The following ACOX3 variants were observed in gnomAD, a reference collection of about 807,000 sequenced individuals.
The protein encoded by ACOX3 is acyl-CoA oxidase 3, pristanoyl, also known as peroxisomal acyl-coenzyme A oxidase 3.
In ACOX3, 73 loss-of-function variants were observed where a neutral mutation model predicts 81.5. The ratio of observed to expected loss-of-function variants is 0.90; its 90% confidence interval spans 0.74 to 1.09. The LOEUF is 1.09. Ranked by LOEUF, ACOX3 falls within the 50% of genes least tolerant of loss-of-function variation. The pLI, the probability that ACOX3 is intolerant of heterozygous loss-of-function variation, is 0.00. For synonymous variants in ACOX3, 387 were observed against 375.1 expected (o/e 1.03, Z -0.37); for missense variants, 947 against 928.0 (o/e 1.02, Z -0.27).
chr4:8,416,055 G>T lies in ACOX3; in HGVS notation c.145-56C>A. 1 of 1,548,182 alleles carries T rather than the reference G, an allele frequency of 6.5e-7. No homozygotes were observed. The highest frequency in any genetic ancestry group is 8.9e-7 in the Non-Finnish European group (1 of 1,123,842). Reference sequence around the variant, plus strand: ...TTGGAGTAAAAGATGGACTCTCCATGTGCCCTTATATAGTTGACCTCCAGG... The same window carrying T: ...TTGGAGTAAAAGATGGACTCTCCATTTGCCCTTATATAGTTGACCTCCAGG... On this transcript the variant is annotated intron_variant, in intron 2 of 17. Transcript: ENST00000356406. The surrounding 1 kb of genome is among the most constrained non-coding windows in gnomAD (Gnocchi z 4.2).
chr4:8,403,065 A>G (rs1240371228), intron 7 of ACOX3, among the ~76,000 whole-genome samples: 1 of 152,092 alleles, frequency 6.6e-6, no homozygotes, highest in Non-Finnish European at 1.5e-5. Flanking sequence ...TGAAACTATC[A>G]CTTGAGAAGA....
At chr4:8,433,945 T>C (rs1201955379) in intron 1 of ACOX3, among the ~76,000 whole-genome samples, 1 of 152,124 alleles carries the variant, frequency 6.6e-6, no homozygotes, top group Non-Finnish European at 1.5e-5. Context: ...ACTTGCCTAG[T>C]TCATAAGACA....
At chr4:8,401,551 A>G (rs1720377477) in intron 7 of ACOX3, among the ~76,000 whole-genome samples, 1 of 152,118 alleles carries the variant, frequency 6.6e-6, no homozygotes. Flanking sequence ...TGCAGCAACC[A>G]TATTGGCTCT....
At chr4:8,366,097 G>A (rs1416424268), downstream of ACOX3, among the ~76,000 whole-genome samples, 3 of 152,148 alleles carry the variant, frequency 2.0e-5, no homozygotes, top group Non-Finnish European at 4.4e-5. Context: ...GAACTGCTCC[G>A]GGAACCTAAC....
At chr4:8,422,725 C>T (rs1246644389) in intron 1 of ACOX3, among the ~76,000 whole-genome samples, 2 of 152,230 alleles carry the variant, frequency 1.3e-5, no homozygotes, top group Non-Finnish European at 2.9e-5. Context: ...GATTGTATCG[C>T]AGCAGGGGAG....
Position 8,416,100 on chromosome 4 carries a change from C to G in ACOX3, c.145-101G>C. 8.2e-7 allele frequency: 1 copy of G among 1,217,432 alleles called. No individual in the cohort carries two copies. Among genetic ancestry groups the G allele is most frequent in the Non-Finnish European group, 1.2e-6 (1 of 849,218 alleles). The allele number at this position is 1,217,432 out of a possible 1,614,324, so 75.4% of individuals were successfully genotyped here. A position where few individuals can be genotyped will look rare whatever the true frequency, so the allele number is the denominator to read the frequency against. On this transcript the variant is annotated intron_variant, in intron 2 of 17. Transcript: ENST00000356406. The surrounding 1 kb of genome is among the most constrained non-coding windows in gnomAD (Gnocchi z 4.2). ...TCCAGGCCACAGGCTTCATGGGACA[C>G]AGTCTGACCCGGAGACACCCAGACA...
At position 8,370,925 on chromosome 4, in the gene ACOX3, C is replaced by T; in HGVS notation, c.1966G>A (p.Gly656Ser). ...CCCTTTACCTCGCCGTCGGCTCTGC[C>T]AATCGGTGAGTCCAGAACAAAGTCA... ...PPDFVLDSPI[G>S]RADGELYKNL... Residue 656 changes from glycine (G) to serine (S), a missense_variant, in exon 17 of 18, where the codon GGC becomes AGC. Transcript: ENST00000356406. The surrounding 1 kb of genome is among the most constrained non-coding windows in gnomAD (Gnocchi z 6.3). 6.2e-7 allele frequency: 1 copy of T among 1,614,006 alleles called. No homozygotes were observed. Among genetic ancestry groups the T allele is most frequent in the Non-Finnish European group, 8.5e-7 (1 of 1,180,022 alleles).
rs181695563 is a variant in ACOX3, at chr4:8,410,160, T to A, written c.687+52A>T. ...CAAAAATGACTCCAGACATTACCAG[T>A]GCTTCCTGGGGGTAAACACTGCCCC... On this transcript the variant is annotated intron_variant, in intron 6 of 17. Coordinates refer to ENST00000356406, the MANE Select transcript of ACOX3 (RefSeq NM_003501.3). 3.1e-4 allele frequency: 496 copies of A among 1,580,406 alleles called. 6 individuals carry two copies. The Admixed American group carries it at 8.5e-3, about 27-fold the overall frequency.
chr4:8,433,770 C>T (rs986638359), intron 1 of ACOX3, among the ~76,000 whole-genome samples: 3 of 152,144 alleles, frequency 2.0e-5, no homozygotes, highest in African/African-American at 7.2e-5. Context: ...GATTAATGTA[C>T]AAAAGTAATT....
intron 1 of ACOX3, among the ~76,000 whole-genome samples, chr4:8,434,619 GC>G (rs1411505417): frequency 6.6e-6 from 1 of 152,276 alleles, no homozygotes; most frequent in East Asian, 1.9e-4. Flanking sequence ...GAAGGAACTA[GC>G]ACTTTAAGTC....
chr4:8,418,721 A>G (rs1332205110), intron 1 of ACOX3, among the ~76,000 whole-genome samples: 1 of 151,896 alleles, frequency 6.6e-6, no homozygotes, highest in Non-Finnish European at 1.5e-5. Flanking sequence ...TTAGCTGGGC[A>G]TGGTGGCGCA....
intron 13 of ACOX3, among the ~76,000 whole-genome samples, chr4:8,383,156 G>A (rs1438421394): frequency 2.6e-5 from 4 of 152,202 alleles, no homozygotes; most frequent in Non-Finnish European, 5.9e-5. Flanking sequence ...GCGGCTTGCC[G>A]GAGGTCTCAG....
Position 8,389,243 on chromosome 4 carries a change from C to T in ACOX3, c.1467G>A (p.Leu489=). ...FRSPLKSVDF[L]DAYPGILDQK... ...GGTCAAGGATGCCGGGATAGGCGTC[C>T]AGAAAGTCCACTGACTTCAGCGGAC... Residue 489 remains leucine (L), a synonymous_variant, in exon 13 of 18, where the codon CTG becomes CTA. Transcript: ENST00000356406. The surrounding 1 kb of genome is among the most constrained non-coding windows in gnomAD (Gnocchi z 5.3). The T allele has an allele frequency of 6.2e-7, 1 of 1,613,854 alleles. No individual in the cohort carries two copies. Among genetic ancestry groups the T allele is most frequent in the South Asian group, 1.1e-5 (1 of 90,994 alleles).
rs558525562 is a variant in ACOX3, at chr4:8,385,298, C to G, written c.1538-3691G>C. 2.0e-5 allele frequency among the ~76,000 whole-genome samples: 3 copies of G among 152,170 alleles called. No individual in the cohort carries two copies. Among genetic ancestry groups the G allele is most frequent in the Admixed American group, 6.5e-5 (1 of 15,286 alleles). On this transcript the variant is annotated intron_variant, in intron 13 of 17. Transcript: ENST00000356406. This position sits in a 1 kb window ranked among gnomAD's most constrained non-coding sequence, Gnocchi z 5.5. ...ACTCCACGTGACCTCACCGCTCCCC[C>G]ACGTGACTCCACCGCTCACCTGTGA... is the stretch of plus-strand genomic sequence containing the variant.
intron 1 of ACOX3, among the ~76,000 whole-genome samples, chr4:8,424,092 G>A (rs1017687324): frequency 6.6e-6 from 1 of 152,192 alleles, no homozygotes; most frequent in African/African-American, 2.4e-5. Context: ...GACACACCAG[G>A]GCCCTCAGTG....
At position 8,389,312 on chromosome 4, in the gene ACOX3, G is replaced by A. The variant is rs554082211; in HGVS notation, c.1424-26C>T. 14 of 1,596,106 alleles carry A rather than the reference G, an allele frequency of 8.8e-6. No individual in the cohort carries two copies. Among genetic ancestry groups the A allele is most frequent in the South Asian group, 5.6e-5 (5 of 89,520 alleles). On this transcript the variant is annotated intron_variant, in intron 12 of 17. Coordinates refer to ENST00000356406, the MANE Select transcript of ACOX3 (RefSeq NM_003501.3). This position sits in a 1 kb window ranked among gnomAD's most constrained non-coding sequence, Gnocchi z 5.3. The stretch of plus-strand genomic sequence containing the variant: ...CTAGGACACACATTCCAGTGACTTT[G>A]GTGGAAGACAGGAACCCAAACCATT...
At chr4:8,359,120 AGT>A in the ACOX3 span, among the ~76,000 whole-genome samples, 3 of 152,150 alleles carry the variant, frequency 2.0e-5, no homozygotes, top group Non-Finnish European at 4.4e-5. This position sits in a 1 kb window ranked among gnomAD's most constrained non-coding sequence, Gnocchi z 6.0. Flanking sequence ...AAGTGACTAT[AGT>A]GTGGAAACCC....
chr4:8,404,837 G>A (rs1197752705), intron 7 of ACOX3, among the ~76,000 whole-genome samples: 1 of 152,088 alleles, frequency 6.6e-6, no homozygotes, highest in African/African-American at 2.4e-5. Context: ...AGGCTATCAG[G>A]CTCAGGCATG....
intron 16 of ACOX3, among the ~76,000 whole-genome samples, chr4:8,373,069 A>G (rs1716431148): frequency 6.6e-6 from 1 of 152,144 alleles, no homozygotes; most frequent in African/African-American, 2.4e-5. Flanking sequence ...TGGGTGACAT[A>G]GGTAAAAGAA....
Sources: gnomAD v4.1 joint callset for allele counts (sites outside exome capture counted in the v4.1 genomes callset) on GRCh38, gnomAD v4.1.1 for gene constraint, Gnocchi (gnomAD v3.1) non-coding constraint, MANE v1.5 for transcripts, NCBI Gene and HGNC (gene_info 2026-07-23, HGNC 2026-07-21) for gene names.